The following CBX5 variants were observed in gnomAD, a reference collection of about 807,000 sequenced individuals.
The protein encoded by CBX5 is chromobox protein homolog 5.
Under a neutral mutation model 20.7 loss-of-function variants are expected in CBX5, and 7 were observed. The ratio of observed to expected loss-of-function variants is 0.34; its 90% confidence interval spans 0.19 to 0.63. CBX5 has a LOEUF of 0.63. Among genes scored for constraint, CBX5 ranks in the 30% least tolerant of loss-of-function variants. The pLI is 0.75. For synonymous variants in CBX5, 78 were observed against 77.0 expected (o/e 1.01, Z -0.07); for missense variants, 110 against 224.1 (o/e 0.49, Z 3.25).
Position 54,252,070 on chromosome 12 carries a change from C to T in CBX5, c.295G>A (p.Asp99Asn), listed in dbSNP as rs758431499. 2.8e-5 allele frequency: 45 copies of T among 1,607,498 alleles called. No individual in the cohort carries two copies. The highest frequency in any genetic ancestry group is 6.8e-5 in the Admixed American group (4 of 59,158). The part of the protein sequence containing the change: ...KRKSNFSNSA[D>N]DIKSKKKREQ... ...CTCTTTTTTTTAGATTTGATGTCAT[C>T]GGCACTGTTTGAGAAATTGGATTTC... is the stretch of plus-strand genomic sequence containing the variant. Residue 99 changes from aspartate to asparagine, a missense_variant, in exon 3 of 5, where the codon GAT becomes AAT. By Grantham distance (23) the Asp-to-Asn change is conservative. This residue lies in a region of CBX5 where 58 missense variants were observed against 120.6 expected (regional missense o/e 0.48). Transcript: ENST00000209875.
At chr12:54,247,341 G>A (rs1441295825) in intron 3 of CBX5, among the ~76,000 whole-genome samples, 1 of 152,174 alleles carries the variant, frequency 6.6e-6, no homozygotes, top group African/African-American at 2.4e-5. Flanking sequence ...CTTGAGACTA[G>A]GAATTGGAGA....
chr12:54,251,822 T>G (rs1437157049), intron 3 of CBX5, among the ~76,000 whole-genome samples: 1 of 152,230 alleles, frequency 6.6e-6, no homozygotes, highest in Non-Finnish European at 1.5e-5. Context: ...GATTTAATTT[T>G]GCCCCCTTAA....
intron 1 of CBX5, among the ~76,000 whole-genome samples, chr12:54,269,622 C>T (rs1242914383): frequency 1.3e-5 from 2 of 152,144 alleles, no homozygotes; most frequent in Non-Finnish European, 2.9e-5. Flanking sequence ...CTCCTGACCT[C>T]GTGATCCACC....
chr12:54,250,532 G>A (rs867590875), intron 3 of CBX5, among the ~76,000 whole-genome samples: 4 of 152,034 alleles, frequency 2.6e-5, no homozygotes, highest in African/African-American at 7.2e-5. Context: ...GGGGCCGGGC[G>A]CGGTGGCTCA....
rs1943582856 is a variant in CBX5 at position 54,232,929 on chromosome 12, C to T, written c.*8826G>A. 1 of 152,166 alleles carries T rather than the reference C, an allele frequency of 6.6e-6. No individual in the cohort carries two copies. Among genetic ancestry groups the T allele is most frequent in the African/African-American group, 2.4e-5 (1 of 41,426 alleles). The allele number at this position is 152,166 out of a possible 1,614,324, so 9.4% of individuals were successfully genotyped here. A position where few individuals can be genotyped will look rare whatever the true frequency, so the allele number is the denominator to read the frequency against. ...TCCTAAAATCCAGAAAGCAAGATCA[C>T]ATTCCAACAGAAACAATGAATAAGA... On this transcript the variant is annotated 3_prime_UTR_variant, in exon 5 of 5. Coordinates refer to ENST00000209875, the MANE Select transcript of CBX5 (RefSeq NM_012117.3).
chr12:54,277,817 AAAT>A (rs1235355891), intron 1 of CBX5, among the ~76,000 whole-genome samples: 1 of 152,154 alleles, frequency 6.6e-6, no homozygotes, highest in Admixed American at 6.5e-5. Context: ...GATTTTGAAA[AAAT>A]AATAAACTCT....
chr12:54,271,989 T>C (rs1051941362), intron 1 of CBX5: 2 of 152,210 alleles, frequency 1.3e-5, no homozygotes, highest in African/African-American at 4.8e-5. Context: ...AGCAGTATAT[T>C]ACCCTCCACA....
At chr12:54,265,995 G>A (rs892370481) in intron 1 of CBX5, among the ~76,000 whole-genome samples, 2 of 149,470 alleles carry the variant, frequency 1.3e-5, no homozygotes, top group Admixed American at 6.7e-5. Flanking sequence ...TGCAGTGAGC[G>A]GAGATGGTGC....
At chr12:54,255,558 C>T (rs1321479079) in intron 2 of CBX5, 1 of 88,714 alleles carries the variant, frequency 1.1e-5, no homozygotes, top group African/African-American at 4.2e-5. Context: ...GACTCTGTCT[C>T]AAAAAAAAAA....
At chr12:54,266,024 G>C (rs933400423) in intron 1 of CBX5, among the ~76,000 whole-genome samples, 2 of 151,556 alleles carry the variant, frequency 1.3e-5, no homozygotes, top group Non-Finnish European at 2.9e-5. Flanking sequence ...TCCAGCCTGG[G>C]CAACAGAGGC....
intron 2 of CBX5, 100 bp downstream of exon 2, chr12:54,257,414 G>T: frequency 8.3e-7 from 1 of 1,206,480 alleles, no homozygotes. Flanking sequence ...AGTGCAGGAG[G>T]GGGAAGAAAA....
chr12:54,270,729 TTTTA>T (rs1186772586), intron 1 of CBX5, among the ~76,000 whole-genome samples: 1 of 152,200 alleles, frequency 6.6e-6, no homozygotes, highest in African/African-American at 2.4e-5. Context: ...GTTACTGATT[TTTTA>T]TTTAATTGCA....
In CBX5 at chr12:54,238,495, G is replaced by A. The variant is rs1358768649; in HGVS notation, c.*3260C>T. 1 of 152,198 alleles carries A rather than the reference G, an allele frequency of 6.6e-6. No homozygotes were observed. The highest frequency in any genetic ancestry group is 1.5e-5 in the Non-Finnish European group (1 of 68,036). 9.4% of individuals were successfully genotyped at this position (152,198 alleles called of 1,614,324 possible). A position where few individuals can be genotyped will look rare whatever the true frequency, so the allele number is the denominator to read the frequency against. ...AGCTTCTTCTCTGGGATCTACTGAGGAGTGAAATCTAAATGAAGATTTAGC... is the reference window on the plus strand; with the variant it reads ...AGCTTCTTCTCTGGGATCTACTGAGAAGTGAAATCTAAATGAAGATTTAGC... On this transcript the variant is annotated 3_prime_UTR_variant, in exon 5 of 5. Transcript: ENST00000209875.
chr12:54,239,264 A>G lies in CBX5; in HGVS notation c.*2491T>C, dbSNP rs1040155431. 1 of 152,212 alleles carries G rather than the reference A, an allele frequency of 6.6e-6. No individual in the cohort carries two copies. The highest frequency in any genetic ancestry group is 2.4e-5 in the African/African-American group (1 of 41,440). The allele number at this position is 152,212 out of a possible 1,614,324, so 9.4% of individuals were successfully genotyped here. On this transcript the variant is annotated 3_prime_UTR_variant, in exon 5 of 5. Transcript: ENST00000209875. ...AATATCAGATTTTTATGAATGTCTT[A>G]AATATTACCTATAACCACAGCAGCC...
chr12:54,271,779 A>C (rs763508071), intron 1 of CBX5: 1 of 152,240 alleles, frequency 6.6e-6, no homozygotes, highest in Non-Finnish European at 1.5e-5. Flanking sequence ...TTATGGAAAA[A>C]CAATAGGAAA....
intron 1 of CBX5, chr12:54,262,593 C>T (rs1262436894): frequency 6.5e-6 from 1 of 152,708 alleles, no homozygotes; most frequent in African/African-American, 2.4e-5. Flanking sequence ...CTTATCTTAA[C>T]CTTGAAGTTA....
intron 1 of CBX5, among the ~76,000 whole-genome samples, chr12:54,269,895 A>C (rs896004408): frequency 2.6e-5 from 4 of 152,114 alleles, no homozygotes; most frequent in Non-Finnish European, 5.9e-5. Context: ...TCTGTATTTA[A>C]GTGAGTTTTG....
chr12:54,279,656 C>G (rs1944111340), intron 1 of CBX5, among the ~76,000 whole-genome samples: 1 of 152,166 alleles, frequency 6.6e-6, no homozygotes, highest in South Asian at 2.1e-4. Context: ...CCGCTGCCTC[C>G]TGGAGAAGCC....
intron 1 of CBX5, among the ~76,000 whole-genome samples, chr12:54,279,773 C>G (rs1366829034): frequency 6.6e-6 from 1 of 152,174 alleles, no homozygotes; most frequent in Non-Finnish European, 1.5e-5. Flanking sequence ...GTCGGCAGCT[C>G]AAGGCAGACC....
Sources: allele counts gnomAD v4.1 joint callset (sites outside exome capture counted in the v4.1 genomes callset), GRCh38; gene constraint gnomAD v4.1.1; regional missense constraint gnomAD v4.1.1; transcripts MANE v1.5; gene names NCBI Gene and HGNC (gene_info 2026-07-23, HGNC 2026-07-21).